Variants in TBC1D1 observed in about 807,000 individuals in gnomAD.
TBC1D1 encodes TBC1 (tre-2/USP6, BUB2, cdc16) domain family, member 1.
A neutral mutation model predicts 125.6 loss-of-function variants in TBC1D1; 89 were observed. The observed-to-expected ratio is 0.71, with a 90% CI of 0.60 to 0.85. TBC1D1 has a LOEUF of 0.85. Ranked by LOEUF, TBC1D1 falls within the 40% of genes least tolerant of loss-of-function variation. The pLI is 0.00. For synonymous variants in TBC1D1, 565 were observed against 564.1 expected (o/e 1.00, Z -0.02); for missense variants, 1,377 against 1,469.2 (o/e 0.94, Z 1.03).
At position 37,995,859 on chromosome 4, in the gene TBC1D1, C is replaced by G. The variant is rs1578198680; in HGVS notation, c.418-18650C>G. Reference sequence around the variant, plus strand: ...CTGGATCCATGTGATCACCAGAATGCATTTCTCTTTGAGAATCCAGACTTC... The same window carrying G: ...CTGGATCCATGTGATCACCAGAATGGATTTCTCTTTGAGAATCCAGACTTC... On this transcript the variant is annotated intron_variant, in intron 2 of 19. Coordinates refer to ENST00000261439, the MANE Select transcript of TBC1D1 (RefSeq NM_015173.4). The surrounding 1 kb of genome is among the most constrained non-coding windows in gnomAD (Gnocchi z 4.3). The G allele has an allele frequency of 1.7e-6, 1 of 577,854 alleles. No individual in the cohort carries two copies. 35.8% of individuals were successfully genotyped at this position (577,854 alleles called of 1,614,324 possible).
chr4:37,931,093 G>C (rs1248139647), intron 2 of TBC1D1, among the ~76,000 whole-genome samples: 1 of 107,742 alleles, frequency 9.3e-6, no homozygotes, highest in East Asian at 4.0e-4. Context: ...TTTGGTTTTT[G>C]TTGTTTTGTT....
intron 12 of TBC1D1, among the ~76,000 whole-genome samples, chr4:38,074,342 C>T (rs1755202415): frequency 6.6e-6 from 1 of 152,192 alleles, no homozygotes; most frequent in Non-Finnish European, 1.5e-5. Flanking sequence ...ATCATCCCAA[C>T]ACAAGGTTAA....
At chr4:38,077,439 G>A (rs1202628317) in intron 12 of TBC1D1, among the ~76,000 whole-genome samples, 1 of 152,112 alleles carries the variant, frequency 6.6e-6, no homozygotes, top group African/African-American at 2.4e-5. Flanking sequence ...TGATGCAAAT[G>A]CTATTTTGTG....
At chr4:38,110,313 G>A in intron 15 of TBC1D1, 5 of 982,894 alleles carry the variant, frequency 5.1e-6, no homozygotes, top group Non-Finnish European at 6.0e-6. Flanking sequence ...CACCATTCTT[G>A]ACCTGCTGCT....
At chr4:37,955,064 T>A (rs1180231360) in intron 2 of TBC1D1, among the ~76,000 whole-genome samples, 1 of 152,144 alleles carries the variant, frequency 6.6e-6, no homozygotes, top group Non-Finnish European at 1.5e-5. Context: ...ATGTGTCATG[T>A]ACCGATTTCT....
chr4:38,132,256 G>A (rs1429485336), intron 18 of TBC1D1, among the ~76,000 whole-genome samples: 1 of 152,014 alleles, frequency 6.6e-6, no homozygotes, highest in East Asian at 1.9e-4. Flanking sequence ...AAACGTTAGG[G>A]CTTCACTGCT....
intron 15 of TBC1D1, chr4:38,111,862 C>T (rs1003765519): frequency 3.1e-5 from 28 of 910,372 alleles, no homozygotes; most frequent in South Asian, 5.0e-5. Context: ...GTGCAGTTGT[C>T]CTGCTTAACC....
At chr4:38,108,045 C>A (rs1761625644) in intron 15 of TBC1D1, among the ~76,000 whole-genome samples, 1 of 152,176 alleles carries the variant, frequency 6.6e-6, no homozygotes, top group African/African-American at 2.4e-5. Context: ...GGTCAGGAGC[C>A]TGCCCCACCC....
At chr4:38,003,883 A>G (rs1210974153) in intron 2 of TBC1D1, among the ~76,000 whole-genome samples, 2 of 152,094 alleles carry the variant, frequency 1.3e-5, no homozygotes, top group African/African-American at 4.8e-5. Flanking sequence ...AAAAAAAAAA[A>G]AAGAGTTGGC....
At chr4:38,061,141 G>T (rs1207732079) in intron 12 of TBC1D1, among the ~76,000 whole-genome samples, 1 of 152,206 alleles carries the variant, frequency 6.6e-6, no homozygotes, top group Non-Finnish European at 1.5e-5. Context: ...TTGACCATAT[G>T]CCAGGTGAAC....
At position 38,107,048 on chromosome 4, in the gene TBC1D1, G is replaced by A. The variant is rs57575721; in HGVS notation, c.2557+3891G>A. On this transcript the variant is annotated intron_variant, in intron 15 of 19. Transcript: ENST00000261439. ...TCTTTCCCATCCTCGCCTGGCCTCC[G>A]GTTTGGATGCTGTCCACACACTTCC... 8.4e-3 allele frequency among the ~76,000 whole-genome samples: 1,277 copies of A among 151,214 alleles called. 23 individuals carry two copies. Among genetic ancestry groups the A allele is most frequent in the African/African-American group, 0.028 (1,164 of 41,120 alleles).
At chr4:37,983,180 T>C (rs1734724175) in intron 2 of TBC1D1, among the ~76,000 whole-genome samples, 1 of 143,678 alleles carries the variant, frequency 7.0e-6, no homozygotes, top group East Asian at 2.1e-4. Flanking sequence ...TGGAGTGCAG[T>C]GGTGCGATCT....
chr4:38,113,742 T>A (rs1230261127), intron 15 of TBC1D1, among the ~76,000 whole-genome samples: 1 of 152,178 alleles, frequency 6.6e-6, no homozygotes, highest in Non-Finnish European at 1.5e-5. Flanking sequence ...TGTTGCCCAG[T>A]ACAGAAGCCA....
chr4:37,940,693 A>G (rs950176337), intron 2 of TBC1D1, among the ~76,000 whole-genome samples: 6 of 152,160 alleles, frequency 3.9e-5, no homozygotes, highest in Non-Finnish European at 7.4e-5. Flanking sequence ...TTTGAGATAC[A>G]TCCCATCAAT....
intron 17 of TBC1D1, among the ~76,000 whole-genome samples, chr4:38,122,000 C>A (rs1258103601): frequency 2.0e-5 from 3 of 152,192 alleles, no homozygotes; most frequent in Admixed American, 2.0e-4. Flanking sequence ...CACATTCCTG[C>A]ATTGTGCACC....
chr4:37,905,847 A>G (rs1270454000), intron 2 of TBC1D1, among the ~76,000 whole-genome samples: 1 of 152,178 alleles, frequency 6.6e-6, no homozygotes, highest in Non-Finnish European at 1.5e-5. Context: ...CACCTGTTAC[A>G]ATTCTTTGAA....
intron 6 of TBC1D1, 142 bp from the exon 7 acceptor site, chr4:38,027,646 A>G (rs1578330962): frequency 5.9e-6 from 3 of 509,160 alleles, no homozygotes; most frequent in Non-Finnish European, 1.1e-5. Flanking sequence ...AAAAAAAAAA[A>G]TAAAATATTT....
At chr4:38,011,217 G>A (rs533830250) in intron 2 of TBC1D1, among the ~76,000 whole-genome samples, 2 of 152,122 alleles carry the variant, frequency 1.3e-5, no homozygotes, top group East Asian at 1.9e-4. Flanking sequence ...GCCGGGTGTG[G>A]TGGTGCATGC....
intron 2 of TBC1D1, among the ~76,000 whole-genome samples, chr4:37,964,153 A>G (rs1356794263): frequency 6.6e-6 from 1 of 152,244 alleles, no homozygotes; most frequent in Non-Finnish European, 1.5e-5. Flanking sequence ...AATTACTGCA[A>G]TGGTGACTGC....
Sources: gnomAD v4.1 joint callset for allele counts (sites outside exome capture counted in the v4.1 genomes callset) on GRCh38, gnomAD v4.1.1 for gene constraint, Gnocchi (gnomAD v3.1) non-coding constraint, MANE v1.5 for transcripts, NCBI Gene and HGNC (gene_info 2026-07-23, HGNC 2026-07-21) for gene names.